The following LRRC20 variants were observed in gnomAD, a reference collection of about 807,000 sequenced individuals.
LRRC20 encodes the protein leucine rich repeat containing 20, also known as leucine-rich repeat-containing protein 20.
LRRC20 carries 11 observed loss-of-function variants against 14.4 expected under a neutral mutation model. The ratio of observed to expected loss-of-function variants is 0.77; its 90% CI spans 0.48 to 1.27. The LOEUF is 1.27. Among genes scored for constraint, LRRC20 ranks in the 50% most tolerant of loss-of-function variants. The pLI, the probability that LRRC20 is intolerant of heterozygous loss-of-function variation, is 0.00. For synonymous variants in LRRC20, 121 were observed against 107.3 expected, an observed-to-expected ratio of 1.13 and a Z score of -0.79; for missense variants, 219 against 251.2, an observed-to-expected ratio of 0.87 and a Z score of 0.87.
At position 70,321,934 on chromosome 10, in the gene LRRC20, C is replaced by T. The variant is rs80227190; in HGVS notation, c.400+1929G>A. Among the ~76,000 whole-genome samples the T allele has an allele frequency of 8.1e-3, 1,235 of 152,288 alleles. 12 individuals are homozygous for T. The highest frequency in any genetic ancestry group is 0.02 in the Middle Eastern group (6 of 294). On this transcript the variant is annotated intron_variant, in intron 4 of 4. Coordinates refer to ENST00000446961, the MANE Select transcript of LRRC20 (RefSeq NM_001278212.2). ...TTATTACTGTCATTCTGCAGAAAAG[C>T]GAGATATGTCTATGCAAGAGGAGCC...
intron 3 of LRRC20, among the ~76,000 whole-genome samples, chr10:70,332,521 G>A (rs764317045): frequency 1.3e-5 from 2 of 152,186 alleles, no homozygotes; most frequent in Non-Finnish European, 2.9e-5. Context: ...GGTGTGTGCC[G>A]TAGTCCCAGC....
At position 70,381,752 on chromosome 10, in the gene LRRC20, C is replaced by G. The variant is rs543811682; in HGVS notation, c.-64+797G>C. The G allele has an allele frequency of 2.6e-5, 4 of 152,384 alleles. No individual in the cohort carries two copies. The East Asian group carries it at 7.7e-4, about 29-fold the overall frequency. 9.4% of individuals were successfully genotyped at this position (152,384 alleles called of 1,614,324 possible). ...GAGCGACCCAAATAGTCCCAAACCC[C>G]CCTTCAGATCAGAACGAAGTTGACC... On this transcript the variant is annotated intron_variant, in intron 1 of 4. Coordinates refer to ENST00000446961, the MANE Select transcript of LRRC20 (RefSeq NM_001278212.2).
intron 4 of LRRC20, among the ~76,000 whole-genome samples, chr10:70,316,100 C>G (rs147905037): frequency 2.6e-5 from 4 of 152,016 alleles, no homozygotes; most frequent in African/African-American, 4.8e-5. Flanking sequence ...AGCCTGGAAG[C>G]CTTTTGTTGC....
chr10:70,301,300 G>A lies in LRRC20; in HGVS notation c.*54C>T. On this transcript the variant is annotated 3_prime_UTR_variant, in exon 5 of 5. Coordinates refer to ENST00000446961, the MANE Select transcript of LRRC20 (RefSeq NM_001278212.2). ...CTCCCATGGGCCTCCCTCCCTTCCA[G>A]GGTTCCAGGCCTGTGGCCTCTGCCC... 1 of 1,560,720 alleles carries A rather than the reference G, an allele frequency of 6.4e-7. No homozygotes were observed. Among genetic ancestry groups the A allele is most frequent in the African/African-American group, 1.4e-5 (1 of 73,610 alleles).
intron 3 of LRRC20, among the ~76,000 whole-genome samples, chr10:70,331,823 G>A (rs1004186257): frequency 1.3e-5 from 2 of 152,146 alleles, no homozygotes; most frequent in Non-Finnish European, 2.9e-5. Context: ...CTACTGAACT[G>A]TGGTTTCCGG....
At chr10:70,318,567 A>C (rs1186685369) in intron 4 of LRRC20, among the ~76,000 whole-genome samples, 1 of 152,106 alleles carries the variant, frequency 6.6e-6, no homozygotes, top group Non-Finnish European at 1.5e-5. Context: ...CAGTCTGGGC[A>C]ACATGGCAAA....
intron 4 of LRRC20, among the ~76,000 whole-genome samples, chr10:70,323,485 G>T (rs561375975): frequency 2.4e-4 from 37 of 152,266 alleles, no homozygotes; most frequent in African/African-American, 8.7e-4. Flanking sequence ...CTGTGAAGAG[G>T]TCTCTGTGAA....
At chr10:70,316,662 ACCCTCG>A (rs1841872707) in intron 4 of LRRC20, among the ~76,000 whole-genome samples, 6 of 152,166 alleles carry the variant, frequency 3.9e-5, no homozygotes, top group Admixed American at 3.9e-4. Flanking sequence ...AGCTTCCTGC[ACCCTCG>A]TGTCTGGGGG....
At chr10:70,321,200 T>C (rs1842064238) in intron 4 of LRRC20, among the ~76,000 whole-genome samples, 1 of 152,228 alleles carries the variant, frequency 6.6e-6, no homozygotes, top group African/African-American at 2.4e-5. Flanking sequence ...AATAAGCCAC[T>C]CTGAAGGCAT....
At chr10:70,302,051 C>A (rs1384967101) in intron 4 of LRRC20, among the ~76,000 whole-genome samples, 5 of 152,154 alleles carry the variant, frequency 3.3e-5, no homozygotes, top group Non-Finnish European at 7.4e-5. Context: ...TGGTGGCTCA[C>A]GCCTGTAATC....
chr10:70,307,852 G>A (rs904845028), intron 4 of LRRC20, among the ~76,000 whole-genome samples: 1 of 152,236 alleles, frequency 6.6e-6, no homozygotes, highest in East Asian at 1.9e-4. Context: ...CCCAGAAGTC[G>A]ACAAGATGCC....
chr10:70,301,600 G>A, intron 4 of LRRC20, 92 bp from the exon 5 acceptor site: 1 of 1,463,996 alleles, frequency 6.8e-7, no homozygotes, highest in Non-Finnish European at 9.3e-7. Context: ...AGCACCTGAT[G>A]GTGAGGGGCA....
At chr10:70,306,208 T>A (rs970821321) in intron 4 of LRRC20, among the ~76,000 whole-genome samples, 1 of 152,032 alleles carries the variant, frequency 6.6e-6, no homozygotes, top group Non-Finnish European at 1.5e-5. Flanking sequence ...CAGTGTATAT[T>A]TCCTAGGAAT....
intron 2 of LRRC20, among the ~76,000 whole-genome samples, chr10:70,346,142 A>C (rs886930554): frequency 6.6e-6 from 1 of 152,124 alleles, no homozygotes; most frequent in Non-Finnish European, 1.5e-5. Flanking sequence ...AATCCCAGCT[A>C]CTCAGGAGGC....
intron 4 of LRRC20, among the ~76,000 whole-genome samples, chr10:70,312,377 C>T (rs1396931154): frequency 6.6e-6 from 1 of 151,986 alleles, no homozygotes; most frequent in Non-Finnish European, 1.5e-5. Flanking sequence ...CGGAGCCACA[C>T]ACACACATCT....
intron 2 of LRRC20, among the ~76,000 whole-genome samples, chr10:70,345,598 T>G (rs1843045289): frequency 6.6e-6 from 1 of 151,916 alleles, no homozygotes; most frequent in African/African-American, 2.4e-5. Flanking sequence ...AAAGAAAAAA[T>G]TAAGACCACC....
chr10:70,376,211 A>G (rs10732417), intron 2 of LRRC20, among the ~76,000 whole-genome samples: 150,826 of 152,310 alleles, frequency 0.99, 74,698 homozygotes, highest in East Asian at 1. Flanking sequence ...CTCAGTCATC[A>G]GCAGTCAAAG....
At position 70,373,869 on chromosome 10, in the gene LRRC20, G is replaced by A. The variant is rs181872865; in HGVS notation, c.82+2583C>T. On this transcript the variant is annotated intron_variant, in intron 2 of 4. Coordinates refer to ENST00000446961, the MANE Select transcript of LRRC20 (RefSeq NM_001278212.2). Reference sequence around the variant, plus strand: ...GGCAGGGTGGCCAGAGAACTGCTTGGGTTCCTTGGTGGGTATGGCTCCCAG... The same window carrying A: ...GGCAGGGTGGCCAGAGAACTGCTTGAGTTCCTTGGTGGGTATGGCTCCCAG... Among the ~76,000 whole-genome samples the A allele has an allele frequency of 2.3e-3, 352 of 152,312 alleles. 1 individual carries two copies. The highest frequency in any genetic ancestry group is 4.3e-3 in the South Asian group (21 of 4,828).
intron 4 of LRRC20, among the ~76,000 whole-genome samples, chr10:70,309,933 G>A (rs927426695): frequency 6.6e-6 from 1 of 152,220 alleles, no homozygotes; most frequent in African/African-American, 2.4e-5. Context: ...CCGGGGTCTC[G>A]GCTTGCTGTT....
Sources: gnomAD v4.1 joint callset for allele counts (sites outside exome capture counted in the v4.1 genomes callset) on GRCh38, gnomAD v4.1.1 for gene constraint, MANE v1.5 for transcripts, NCBI Gene and HGNC (gene_info 2026-07-23, HGNC 2026-07-21) for gene names.